The following CREM variants were observed in gnomAD, a reference collection of about 807,000 sequenced individuals.
The protein encoded by CREM is cAMP-responsive element modulator.
Under a neutral mutation model 37.3 loss-of-function variants are expected in CREM, and 13 were observed. The observed-to-expected ratio is 0.35, with a 90% confidence interval of 0.23 to 0.55. CREM has a LOEUF of 0.55. Ranked by LOEUF, CREM falls within the 20% of genes least tolerant of loss-of-function variation. The pLI is 0.88. For synonymous variants in CREM, 124 were observed against 120.2 expected, an observed-to-expected ratio of 1.03 and a Z score of -0.21; for missense variants, 296 against 362.3, an observed-to-expected ratio of 0.82 and a Z score of 1.49.
chr10:35,167,675 C>A (rs1442571878), intron 3 of CREM: 43 of 1,573,698 alleles, frequency 2.7e-5, no homozygotes, highest in Non-Finnish European at 3.7e-5. Flanking sequence ...ATTGCATCAT[C>A]TTACCTTATT....
intron 1 of CREM, among the ~76,000 whole-genome samples, chr10:35,135,018 A>G (rs1157378329): frequency 2.6e-5 from 4 of 151,908 alleles, no homozygotes; most frequent in African/African-American, 9.7e-5. Context: ...AGCCTGGGCG[A>G]CAGAGCAAGA....
At chr10:35,203,392 TAAA>T (rs1031553274) in intron 6 of CREM, among the ~76,000 whole-genome samples, 1 of 152,114 alleles carries the variant, frequency 6.6e-6, no homozygotes, top group African/African-American at 2.4e-5. Context: ...ACCCTTTTTT[TAAA>T]AAAACAAGTT....
At chr10:35,174,426 A>G (rs1010519152) in intron 3 of CREM, among the ~76,000 whole-genome samples, 2 of 152,226 alleles carry the variant, frequency 1.3e-5, no homozygotes, top group Non-Finnish European at 2.9e-5. Context: ...CACGGATAAA[A>G]CATGTTTTAA....
chr10:35,209,374 A>G (rs1315240693), intron 7 of CREM: 2 of 985,216 alleles, frequency 2.0e-6, no homozygotes, highest in Admixed American at 6.1e-5. Context: ...ACCCAGACAC[A>G]TGCAAGCCTG....
At position 35,206,912 on chromosome 10, in the gene CREM, C is replaced by T. The variant is rs769199559; in HGVS notation, c.616C>T (p.Pro206Ser). ...TACTGCAGCTGCCACTGGTGACATGCCAACTTACCAGATCCGAGCTCCTAC... is the reference window on the plus strand; with the variant it reads ...TACTGCAGCTGCCACTGGTGACATGTCAACTTACCAGATCCGAGCTCCTAC... ...VVVQAATGDM[P>S]TYQIRAPTAA... Residue 206 changes from proline (P) to serine (S), a missense_variant, in exon 7 of 8, where the codon CCA becomes TCA. By Grantham distance (74) the Pro-to-Ser change is moderately conservative (BLOSUM62 -1). Around this residue, in one of 2 missense-constraint regions of CREM, gnomAD observed 257 missense variants for 280.2 expected, o/e 0.92. Transcript: ENST00000685392. 7.4e-6 allele frequency: 12 copies of T among 1,613,534 alleles called. No individual in the cohort carries two copies. The highest frequency in any genetic ancestry group is 1.0e-5 in the Non-Finnish European group (12 of 1,179,916).
intron 5 of CREM, among the ~76,000 whole-genome samples, chr10:35,186,613 T>C (rs1293628877): frequency 2.1e-5 from 3 of 145,126 alleles, no homozygotes; most frequent in Non-Finnish European, 4.5e-5. Context: ...TATATATTTA[T>C]ATATAAATAT....
At chr10:35,129,059 CT>C (rs2088770677) in intron 1 of CREM, among the ~76,000 whole-genome samples, 1 of 152,182 alleles carries the variant, frequency 6.6e-6, no homozygotes, top group African/African-American at 2.4e-5. Flanking sequence ...TGAGTAAACA[CT>C]TAAAGCATTG....
chr10:35,177,177 C>T (rs1436427126), intron 3 of CREM, among the ~76,000 whole-genome samples: 4 of 151,770 alleles, frequency 2.6e-5, no homozygotes, highest in South Asian at 2.1e-4. Context: ...ATAAGAGTGG[C>T]GACAAGATAC....
Position 35,156,243 on chromosome 10 carries a change from C to A in CREM, c.168+7752C>A, listed in dbSNP as rs972481808. 2.9e-5 allele frequency among the ~76,000 whole-genome samples: 4 copies of A among 138,994 alleles called. No homozygotes were observed. The Admixed American group carries it at 2.9e-4, about 10-fold the overall frequency. The allele number at this position is 138,994 out of a possible 152,430, so 91.2% of individuals were successfully genotyped here. The stretch of plus-strand genomic sequence containing the variant: ...CGTGAGCCACAGTTCCCGGCCACCT[C>A]TTTTCTTTTCTTTTTTTTTTTAAGA... On this transcript the variant is annotated intron_variant, in intron 3 of 7. Transcript: ENST00000685392.
intron 6 of CREM, among the ~76,000 whole-genome samples, chr10:35,190,173 C>T (rs1276897725): frequency 1.3e-5 from 2 of 152,188 alleles, no homozygotes; most frequent in Non-Finnish European, 2.9e-5. Context: ...TAATGTTTTA[C>T]ACAATATGCA....
intron 3 of CREM, among the ~76,000 whole-genome samples, chr10:35,155,362 G>T (rs930392205): frequency 3.3e-5 from 5 of 151,954 alleles, no homozygotes; most frequent in African/African-American, 1.2e-4. Flanking sequence ...CTGAGAGGAC[G>T]GAAAAATGGG....
At chr10:35,179,820 T>C (rs2094276399) in intron 5 of CREM, 1 of 152,426 alleles carries the variant, frequency 6.6e-6, no homozygotes, top group African/African-American at 2.4e-5. Flanking sequence ...CACTGAAAGC[T>C]CTAAATAAAC....
intron 3 of CREM, chr10:35,175,579 A>T: frequency 7.8e-7 from 1 of 1,282,316 alleles, no homozygotes; most frequent in Non-Finnish European, 1.1e-6. Flanking sequence ...TAACTGCTTT[A>T]GAACTTTGTG....
chr10:35,128,626 C>T (rs1008771408), intron 1 of CREM, among the ~76,000 whole-genome samples: 2 of 150,966 alleles, frequency 1.3e-5, no homozygotes, highest in Non-Finnish European at 2.9e-5. Flanking sequence ...CCTGGGTTCA[C>T]GCCATTCTCC....
chr10:35,145,401 G>A (rs2091959671), intron 2 of CREM, among the ~76,000 whole-genome samples: 1 of 151,898 alleles, frequency 6.6e-6, no homozygotes. Context: ...TTCAATATAC[G>A]ACTCATATGA....
chr10:35,185,746 T>C (rs1344016369), intron 5 of CREM, among the ~76,000 whole-genome samples: 1 of 152,212 alleles, frequency 6.6e-6, no homozygotes, highest in East Asian at 1.9e-4. Flanking sequence ...TAAAGTGCTG[T>C]TACATCAGGG....
At chr10:35,153,811 C>G (rs1163178126) in intron 3 of CREM, among the ~76,000 whole-genome samples, 2 of 152,186 alleles carry the variant, frequency 1.3e-5, no homozygotes, top group Non-Finnish European at 2.9e-5. Flanking sequence ...TGGAGATTGT[C>G]AAGGTCAGCA....
At position 35,128,253 on chromosome 10, in the gene CREM, A is replaced by G. The variant is rs573053108; in HGVS notation, c.-55+1060A>G. Among the ~76,000 whole-genome samples the G allele has an allele frequency of 6.7e-4, 102 of 152,322 alleles. 3 individuals are homozygous for G. In the South Asian group the frequency reaches 0.02, roughly 30 times the overall value. On this transcript the variant is annotated intron_variant, in intron 1 of 7. Coordinates refer to ENST00000685392, the MANE Select transcript of CREM (RefSeq NM_183011.2). Reference sequence around the variant, plus strand: ...GAAGCAGCGGTGAGTTTGTAATCACATTTTAAGAAATTGGGACTTACAGGG... The same window carrying G: ...GAAGCAGCGGTGAGTTTGTAATCACGTTTTAAGAAATTGGGACTTACAGGG...
intron 7 of CREM, among the ~76,000 whole-genome samples, chr10:35,209,921 G>T (rs1032891332): frequency 2.6e-5 from 4 of 152,126 alleles, no homozygotes; most frequent in Non-Finnish European, 5.9e-5. Context: ...AACTTTGTAT[G>T]TTCACAGGGT....
Sources: allele counts gnomAD v4.1 joint callset (sites outside exome capture counted in the v4.1 genomes callset), GRCh38; gene constraint gnomAD v4.1.1; regional missense constraint gnomAD v4.1.1; transcripts MANE v1.5; gene names NCBI Gene and HGNC (gene_info 2026-07-23, HGNC 2026-07-21).